The following MROH1 variants were observed in gnomAD, a reference collection of about 807,000 sequenced individuals.
The protein encoded by MROH1 is maestro heat like repeat family member 1.
In MROH1, 117 loss-of-function variants were observed where a neutral mutation model predicts 116.5. That is an observed-to-expected ratio of 1.00 (90% CI 0.86 to 1.17). MROH1 has a LOEUF of 1.17. Ranked by LOEUF, MROH1 falls within the 50% of genes most tolerant of loss-of-function variation. The pLI, the probability that MROH1 is intolerant of heterozygous loss-of-function variation, is 0.00. For synonymous variants in MROH1, 921 were observed against 583.9 expected (o/e 1.58, Z -8.32); for missense variants, 1,873 against 1,338.5 (o/e 1.40, Z -6.23).
chr8:144,246,015 TTCCCTCCCTCCCTCACC>T (rs1267906876), intron 29 of MROH1, among the ~76,000 whole-genome samples: 5 of 142,904 alleles, frequency 3.5e-5, no homozygotes, highest in Non-Finnish European at 6.1e-5. Flanking sequence ...TTTTTTTTCT[TTCCCTCCCTCCCTCACC>T]TCCCTCCCTT....
intron 12 of MROH1, among the ~76,000 whole-genome samples, chr8:144,218,702 C>CTCCCCTCCCCTT (rs1835891241): frequency 1.5e-5 from 1 of 68,528 alleles, no homozygotes; most frequent in African/African-American, 5.5e-5. Context: ...CTCCTCCCCT[C>CTCCCCTCCCCTT]TCCCCTCCTG....
Position 144,238,873 on chromosome 8 carries a change from C to T in MROH1, c.1446+10C>T, listed in dbSNP as rs901064673. The T allele has an allele frequency of 4.8e-3, 3,695 of 772,114 alleles. 17 individuals are homozygous for T. Among genetic ancestry groups the T allele is most frequent in the Non-Finnish European group, 6.8e-3 (2,833 of 417,854 alleles). The allele number at this position is 772,114 out of a possible 1,614,324, so 47.8% of individuals were successfully genotyped here. ...GGACAGGATGAGTCACGTGAGTGCA[C>T]GGCACCCGTCCCTGCCTGGCGACAA... On this transcript the variant is annotated intron_variant, in intron 15 of 43. Coordinates refer to ENST00000326134, the MANE Select transcript of MROH1 (RefSeq NM_032450.3).
At position 144,255,497 on chromosome 8, in the gene MROH1, C is replaced by T. The variant is rs1843576308; in HGVS notation, c.3595-12C>T. ...GGAGGGAGGCATGGCCCTGTGATGA[C>T]TTCTCCCCCAGGCTACCTGTGCACT... is the stretch of plus-strand genomic sequence containing the variant. On this transcript the variant is annotated splice_polypyrimidine_tract_variant and intron_variant, in intron 34 of 43. Transcript: ENST00000326134. 5.1e-6 allele frequency: 4 copies of T among 778,298 alleles called. No individual in the cohort carries two copies. The highest frequency in any genetic ancestry group is 5.1e-5 in the Admixed American group (3 of 58,994). The allele number at this position is 778,298 out of a possible 1,614,324, so 48.2% of individuals were successfully genotyped here.
chr8:144,225,997 C>A lies in MROH1; in HGVS notation c.1338+2767C>A, dbSNP rs557233952. ...TGGCGTGATCTCAGCTCACTGCAAC[C>A]TCCACCTCCTGGGTTCAAGCAATTC... is the stretch of plus-strand genomic sequence containing the variant. On this transcript the variant is annotated intron_variant, in intron 14 of 43. Transcript: ENST00000326134. 3.9e-4 allele frequency among the ~76,000 whole-genome samples: 58 copies of A among 147,230 alleles called. 1 individual carries two copies. The highest frequency in any genetic ancestry group is 1.4e-3 in the African/African-American group (56 of 39,862).
At chr8:144,193,519 C>T (rs766560562) in intron 10 of MROH1, among the ~76,000 whole-genome samples, 1 of 152,190 alleles carries the variant, frequency 6.6e-6, no homozygotes, top group Non-Finnish European at 1.5e-5. Flanking sequence ...AGATGTGTAA[C>T]GATGAGCATA....
At position 144,215,977 on chromosome 8, in the gene MROH1, G is replaced by A. The variant is rs767836720; in HGVS notation, c.1142-4623G>A. Among the ~76,000 whole-genome samples, 72 of 151,722 alleles carry A rather than the reference G, an allele frequency of 4.7e-4. 1 individual carries two copies. Among genetic ancestry groups the A allele is most frequent in the Non-Finnish European group, 1.0e-4 (7 of 67,998 alleles). On this transcript the variant is annotated intron_variant, in intron 12 of 43. Transcript: ENST00000326134. Reference sequence around the variant, plus strand: ...CGAGGCACGGATCACCTGCGGTCAGGAGTTCAAGACCAGCCTGGCCAACAT... The same window carrying A: ...CGAGGCACGGATCACCTGCGGTCAGAAGTTCAAGACCAGCCTGGCCAACAT...
intron 12 of MROH1, among the ~76,000 whole-genome samples, chr8:144,210,947 C>A (rs971381672): frequency 3.0e-4 from 46 of 152,284 alleles, no homozygotes; most frequent in Middle Eastern, 3.4e-3. Context: ...CAACTCTTTT[C>A]ATCTTGCAAA....
intron 7 of MROH1, among the ~76,000 whole-genome samples, 173 bp from the exon 8 acceptor site, chr8:144,190,611 T>G (rs542855827): frequency 6.6e-6 from 1 of 152,274 alleles, no homozygotes; most frequent in Admixed American, 6.5e-5. Flanking sequence ...GCCATGAATT[T>G]GGAGGGACAC....
At chr8:144,244,128 C>T (rs1841480825) in intron 26 of MROH1, 94 bp from the exon 27 acceptor site, 2 of 701,100 alleles carry the variant, frequency 2.9e-6, no homozygotes, top group Non-Finnish European at 5.3e-6. Context: ...GTAAACATGG[C>T]AGTGGCTGTG....
intron 2 of MROH1, among the ~76,000 whole-genome samples, chr8:144,161,697 T>C (rs1016752385): frequency 6.6e-5 from 10 of 152,250 alleles, no homozygotes; most frequent in African/African-American, 2.4e-4. Flanking sequence ...TCCAAGTCCA[T>C]GTGCCCATTT....
intron 4 of MROH1, chr8:144,175,394 A>G: frequency 1.5e-6 from 1 of 688,750 alleles, no homozygotes. Context: ...ATAAATGCCC[A>G]CTTGCTGTAC....
At chr8:144,206,801 G>A (rs1399503784) in intron 12 of MROH1, among the ~76,000 whole-genome samples, 1 of 151,388 alleles carries the variant, frequency 6.6e-6, no homozygotes, top group Non-Finnish European at 1.5e-5. Context: ...GCGAGGCCGA[G>A]GCAGGTGGAT....
intron 7 of MROH1, among the ~76,000 whole-genome samples, chr8:144,181,701 A>G (rs1210149736): frequency 6.6e-6 from 1 of 152,100 alleles, no homozygotes; most frequent in Non-Finnish European, 1.5e-5. Flanking sequence ...GGTGTGAAGG[A>G]GCAGAGAGTG....
intron 12 of MROH1, among the ~76,000 whole-genome samples, chr8:144,219,301 C>T (rs192858145): frequency 1.3e-5 from 2 of 152,208 alleles, no homozygotes; most frequent in African/African-American, 4.8e-5. Context: ...GGATTACAGG[C>T]GTGAGCCACC....
At chr8:144,256,058 G>A (rs1055936573) in intron 35 of MROH1, among the ~76,000 whole-genome samples, 1 of 152,186 alleles carries the variant, frequency 6.6e-6, no homozygotes, top group Admixed American at 6.5e-5. Flanking sequence ...GGTATAGGCT[G>A]GGGTCAACCA....
At chr8:144,170,781 G>T (rs1822235049) in intron 4 of MROH1, among the ~76,000 whole-genome samples, 1 of 152,224 alleles carries the variant, frequency 6.6e-6, no homozygotes, top group Non-Finnish European at 1.5e-5. Context: ...GTGCCACCAA[G>T]GGGTGCTGGG....
chr8:144,254,674 G>C, intron 33 of MROH1, 139 bp from the exon 34 acceptor site: 1 of 607,288 alleles, frequency 1.6e-6, no homozygotes, highest in East Asian at 2.7e-5. Context: ...AGGCCAAGAG[G>C]CCATTTCCCA....
chr8:144,161,602 A>C (rs766528738), intron 2 of MROH1, among the ~76,000 whole-genome samples: 2 of 151,998 alleles, frequency 1.3e-5, no homozygotes, highest in Non-Finnish European at 2.9e-5. Context: ...TCTGATGTCC[A>C]TTGTCCTGAG....
At chr8:144,259,646 GC>G (rs1311482163) in intron 37 of MROH1, among the ~76,000 whole-genome samples, 2 of 152,258 alleles carry the variant, frequency 1.3e-5, no homozygotes, top group Non-Finnish European at 2.9e-5. Flanking sequence ...GACCCCAGGT[GC>G]CCTTGGTGGT....
Sources: allele counts gnomAD v4.1 joint callset (sites outside exome capture counted in the v4.1 genomes callset), GRCh38; gene constraint gnomAD v4.1.1; transcripts MANE v1.5; gene names NCBI Gene and HGNC (gene_info 2026-07-23, HGNC 2026-07-21).